The following GRM5 variants were observed in gnomAD, a reference collection of about 807,000 sequenced individuals.
GRM5 encodes metabotropic glutamate receptor 5.
A neutral mutation model predicts 83.1 loss-of-function variants in GRM5; 19 were observed. The observed-to-expected ratio is 0.23, with a 90% CI of 0.16 to 0.34. The LOEUF is 0.34. Among genes scored for constraint, GRM5 ranks in the 10% least tolerant of loss-of-function variants. GRM5 has a pLI of 1.00. For missense variants in GRM5, 1,160 were observed against 1,588.3 expected (o/e 0.73, Z 4.58); for synonymous variants, 675 against 633.6 (o/e 1.07, Z -0.98).
At chr11:88,866,411 G>C (rs1475695758) in intron 2 of GRM5, among the ~76,000 whole-genome samples, 2 of 151,980 alleles carry the variant, frequency 1.3e-5, no homozygotes, top group Admixed American at 6.6e-5. Flanking sequence ...CAGGGGATTG[G>C]GGTCTAGGGA....
intron 9 of GRM5, among the ~76,000 whole-genome samples, chr11:88,523,485 G>A (rs1020505784): frequency 1.3e-5 from 2 of 152,116 alleles, no homozygotes; most frequent in African/African-American, 4.8e-5. Context: ...AAGGAAAATA[G>A]GAGCCCCAAT....
chr11:88,537,993 G>A (rs771651227), intron 8 of GRM5, among the ~76,000 whole-genome samples: 7 of 151,632 alleles, frequency 4.6e-5, no homozygotes, highest in Non-Finnish European at 8.8e-5. Context: ...TAAAAAATCA[G>A]CTGTATTGAC....
intron 3 of GRM5, among the ~76,000 whole-genome samples, chr11:88,815,929 A>AGAGGCCGG (rs1491334982): frequency 6.9e-6 from 1 of 144,908 alleles, no homozygotes; most frequent in Non-Finnish European, 1.5e-5. Context: ...AATTGGAAAC[A>AGAGGCCGG]GAGGCCGGGC....
At chr11:89,014,172 TACA>T (rs1242935481) in intron 2 of GRM5, among the ~76,000 whole-genome samples, 3 of 152,080 alleles carry the variant, frequency 2.0e-5, no homozygotes, top group Non-Finnish European at 4.4e-5. Flanking sequence ...TAATCACAAA[TACA>T]ACACTACAGG....
intron 2 of GRM5, among the ~76,000 whole-genome samples, chr11:88,865,686 T>C (rs1280325789): frequency 6.6e-6 from 1 of 151,024 alleles, no homozygotes; most frequent in East Asian, 1.9e-4. Context: ...ATATCGAGAA[T>C]CTACAAGGAA....
intron 2 of GRM5, among the ~76,000 whole-genome samples, chr11:88,962,715 C>T (rs564567): frequency 0.33 from 49,865 of 151,954 alleles, 9,818 homozygotes; most frequent in Non-Finnish European, 0.43. Context: ...CAGTATCTTA[C>T]AGTCTGATTC....
chr11:88,698,260 T>G (rs1940946671), intron 3 of GRM5, among the ~76,000 whole-genome samples: 1 of 152,216 alleles, frequency 6.6e-6, no homozygotes, highest in South Asian at 2.1e-4. Flanking sequence ...ATTCTCTTTA[T>G]GCCATGCTCT....
At chr11:89,054,350 G>T (rs1296322771) in intron 1 of GRM5, among the ~76,000 whole-genome samples, 2 of 152,134 alleles carry the variant, frequency 1.3e-5, no homozygotes, top group Non-Finnish European at 2.9e-5. Context: ...GGATAGAGTC[G>T]CATCGGCTGT....
At chr11:88,582,157 A>G (rs1943224007) in intron 7 of GRM5, among the ~76,000 whole-genome samples, 1 of 152,074 alleles carries the variant, frequency 6.6e-6, no homozygotes, top group Non-Finnish European at 1.5e-5. Flanking sequence ...CTTTATTTGC[A>G]TATGTCTCTG....
chr11:88,650,886 C>T (rs115056983), intron 4 of GRM5, among the ~76,000 whole-genome samples: 75 of 152,052 alleles, frequency 4.9e-4, no homozygotes, highest in African/African-American at 1.7e-3. Flanking sequence ...CTCTCTAAAT[C>T]ATGCTTTTGT....
At chr11:88,743,674 C>A (rs1380031458) in intron 3 of GRM5, among the ~76,000 whole-genome samples, 2 of 152,076 alleles carry the variant, frequency 1.3e-5, no homozygotes, top group African/African-American at 4.8e-5. Flanking sequence ...GGCCATTTTA[C>A]CAGGATCCAA....
chr11:88,976,586 A>C (rs1034687973), intron 2 of GRM5, among the ~76,000 whole-genome samples: 1 of 152,142 alleles, frequency 6.6e-6, no homozygotes, highest in African/African-American at 2.4e-5. Flanking sequence ...TTATTATGTA[A>C]ATTTTACCCA....
intron 2 of GRM5, among the ~76,000 whole-genome samples, chr11:88,990,454 T>C (rs1811216433): frequency 6.6e-6 from 1 of 151,596 alleles, no homozygotes; most frequent in Admixed American, 6.6e-5. Flanking sequence ...CTGGTACCAT[T>C]CCTTCTGAAA....
intron 2 of GRM5, among the ~76,000 whole-genome samples, chr11:89,040,487 G>A (rs376859749): frequency 6.6e-6 from 1 of 152,224 alleles, no homozygotes; most frequent in South Asian, 2.1e-4. Flanking sequence ...AGGCAGGTGG[G>A]AGTTTGAGAC....
chr11:88,505,173 A>AT lies in GRM5; in HGVS notation c.*3418dup, dbSNP rs1215449430. 6.6e-6 allele frequency: 1 copy of AT among 152,072 alleles called. No individual in the cohort carries two copies. Among genetic ancestry groups the AT allele is most frequent in the Admixed American group, 6.5e-5 (1 of 15,272 alleles). The allele number at this position is 152,072 out of a possible 1,614,324, so 9.4% of individuals were successfully genotyped here. On this transcript the variant is annotated 3_prime_UTR_variant, in exon 10 of 10. Coordinates refer to ENST00000305447, the MANE Select transcript of GRM5 (RefSeq NM_001143831.3). ...TGTCTTTATGCTTTCACTGATCTGT[A>AT]TTTTTTCACAGTATAAAATTGTAAA...
At position 88,666,299 on chromosome 11, in the gene GRM5, C is replaced by T. The variant is rs539280245; in HGVS notation, c.912-12896G>A. Among the ~76,000 whole-genome samples, 11 of 152,260 alleles carry T rather than the reference C, an allele frequency of 7.2e-5. No individual in the cohort carries two copies. In the East Asian group the frequency reaches 2.1e-3, roughly 29 times the overall value. ...TTTTTATTCGGCAGGCTAAGAAGTT[C>T]AAGGGCATGCCTCTAGCTTCTGGTG... On this transcript the variant is annotated intron_variant, in intron 3 of 9. Coordinates refer to ENST00000305447, the MANE Select transcript of GRM5 (RefSeq NM_001143831.3).
intron 3 of GRM5, among the ~76,000 whole-genome samples, chr11:88,755,875 C>G (rs1213838555): frequency 1.3e-5 from 2 of 151,994 alleles, no homozygotes; most frequent in Non-Finnish European, 2.9e-5. Context: ...AAATGGATGC[C>G]AAAAGTAGGA....
Position 88,982,914 on chromosome 11 carries a change from A to C in GRM5, c.661+64298T>G, listed in dbSNP as rs574852103. ...AAACCCCGTCTCTACTAAAAGTACA[A>C]AATTAGCTGGGCATGATGGCACACG... On this transcript the variant is annotated intron_variant, in intron 2 of 9. Coordinates refer to ENST00000305447, the MANE Select transcript of GRM5 (RefSeq NM_001143831.3). Among the ~76,000 whole-genome samples the C allele has an allele frequency of 7.2e-5, 11 of 152,256 alleles. No homozygotes were observed. The South Asian group carries it at 2.1e-3, about 29-fold the overall frequency.
At chr11:88,597,793 G>A (rs1379043142) in intron 5 of GRM5, among the ~76,000 whole-genome samples, 1 of 152,088 alleles carries the variant, frequency 6.6e-6, no homozygotes, top group Admixed American at 6.5e-5. Context: ...AATTTACAGA[G>A]GGCCTCATTT....
Sources: allele counts gnomAD v4.1 joint callset (sites outside exome capture counted in the v4.1 genomes callset), GRCh38; gene constraint gnomAD v4.1.1; transcripts MANE v1.5; gene names NCBI Gene and HGNC (gene_info 2026-07-23, HGNC 2026-07-21).